The following PTPN12 variants were observed in gnomAD, a reference collection of about 807,000 sequenced individuals.
PTPN12 encodes the protein protein tyrosine phosphatase non-receptor type 12, also known as tyrosine-protein phosphatase non-receptor type 12.
PTPN12 carries 29 observed loss-of-function variants against 97.6 expected under a neutral mutation model. The ratio of observed to expected loss-of-function variants is 0.30; its 90% CI spans 0.22 to 0.41. The LOEUF is 0.41. Ranked by LOEUF, PTPN12 falls within the 10% of genes least tolerant of loss-of-function variation. The pLI, the probability that PTPN12 is intolerant of heterozygous loss-of-function variation, is 1.00. For missense variants in PTPN12, 819 were observed against 926.0 expected (o/e 0.88, Z 1.50); for synonymous variants, 327 against 300.4 (o/e 1.09, Z -0.91).
intron 12 of PTPN12, among the ~76,000 whole-genome samples, chr7:77,621,945 T>G (rs1788953847): frequency 6.6e-6 from 1 of 152,180 alleles, no homozygotes; most frequent in African/African-American, 2.4e-5. Context: ...TAATTTTTAA[T>G]ATTCCAATTC....
intron 1 of PTPN12, chr7:77,537,901 A>G (rs1806736844): frequency 1.3e-5 from 7 of 545,182 alleles, no homozygotes; most frequent in Non-Finnish European, 1.6e-5. Context: ...CGCGCGGCCG[A>G]GCCCGCAGCC....
intron 14 of PTPN12, among the ~76,000 whole-genome samples, chr7:77,633,471 T>C (rs1035579445): frequency 2.6e-5 from 4 of 151,902 alleles, no homozygotes; most frequent in Non-Finnish European, 4.4e-5. Flanking sequence ...TAGCTGTGTG[T>C]GGTGGCATGC....
intron 15 of PTPN12, chr7:77,636,756 G>C: frequency 3.4e-6 from 1 of 293,480 alleles, no homozygotes; most frequent in Admixed American, 4.8e-5. Context: ...TAGTAATAGT[G>C]GCTGGCAAAA....
intron 5 of PTPN12, among the ~76,000 whole-genome samples, chr7:77,589,504 G>C (rs1294754961): frequency 6.6e-6 from 1 of 151,964 alleles, no homozygotes; most frequent in African/African-American, 2.4e-5. Flanking sequence ...TAATACTAAT[G>C]TAGTTAATAT....
chr7:77,577,807 G>A (rs1787387368), intron 2 of PTPN12, among the ~76,000 whole-genome samples: 2 of 152,038 alleles, frequency 1.3e-5, no homozygotes, highest in Non-Finnish European at 2.9e-5. Context: ...GTATTTCTGT[G>A]CCCCATTTTT....
chr7:77,624,493 G>A (rs1410239861), intron 12 of PTPN12, among the ~76,000 whole-genome samples: 2 of 151,968 alleles, frequency 1.3e-5, no homozygotes, highest in Non-Finnish European at 2.9e-5. Flanking sequence ...AGGCTGGAGT[G>A]CAGTGGCGTG....
At chr7:77,638,354 C>G (rs1789680669) in intron 16 of PTPN12, among the ~76,000 whole-genome samples, 1 of 152,090 alleles carries the variant, frequency 6.6e-6, no homozygotes, top group Non-Finnish European at 1.5e-5. Context: ...TGTAATATGT[C>G]AAGACCTAGA....
At chr7:77,601,657 A>G (rs528306760) in intron 8 of PTPN12, among the ~76,000 whole-genome samples, 4 of 152,334 alleles carry the variant, frequency 2.6e-5, no homozygotes, top group East Asian at 3.9e-4. Flanking sequence ...GTAAGAAGCC[A>G]TTGGTGGTAA....
At chr7:77,539,482 G>C (rs1415084962) in intron 1 of PTPN12, among the ~76,000 whole-genome samples, 1 of 152,094 alleles carries the variant, frequency 6.6e-6, no homozygotes, top group African/African-American at 2.4e-5. Context: ...TATTGTCTTG[G>C]TATCTTTTGA....
intron 7 of PTPN12, 32 bp from the exon 8 acceptor site, chr7:77,600,632 T>C (rs761365463): frequency 6.5e-7 from 1 of 1,546,730 alleles, no homozygotes; most frequent in East Asian, 2.3e-5. Flanking sequence ...CAAAGTATTT[T>C]CATAATTGTT....
intron 1 of PTPN12, among the ~76,000 whole-genome samples, chr7:77,557,324 A>C (rs974658193): frequency 6.6e-6 from 1 of 152,096 alleles, no homozygotes; most frequent in Non-Finnish European, 1.5e-5. Context: ...CAGTTCATCA[A>C]TTACAGTTCA....
intron 8 of PTPN12, among the ~76,000 whole-genome samples, chr7:77,605,565 G>A (rs193080052): frequency 8.1e-5 from 12 of 147,512 alleles, no homozygotes; most frequent in Admixed American, 6.2e-4. Flanking sequence ...GATTACAGGC[G>A]CCCACTACCA....
At chr7:77,551,582 T>C (rs1028657691) in intron 1 of PTPN12, among the ~76,000 whole-genome samples, 1 of 152,254 alleles carries the variant, frequency 6.6e-6, no homozygotes, top group Non-Finnish European at 1.5e-5. Flanking sequence ...GTGGATGGTC[T>C]GCTGCTACAG....
chr7:77,552,067 A>G (rs958901356), intron 1 of PTPN12, among the ~76,000 whole-genome samples: 3 of 152,362 alleles, frequency 2.0e-5, no homozygotes, highest in Non-Finnish European at 2.9e-5. Context: ...GATGGTGCAC[A>G]AAAGTAAAAA....
At chr7:77,620,999 C>T (rs755848498) in intron 12 of PTPN12, among the ~76,000 whole-genome samples, 4 of 152,048 alleles carry the variant, frequency 2.6e-5, no homozygotes, top group Admixed American at 1.3e-4. Flanking sequence ...TAGTGGCTCA[C>T]GCCTGTAGTC....
intron 12 of PTPN12, among the ~76,000 whole-genome samples, chr7:77,620,481 T>C (rs1472568659): frequency 6.6e-6 from 1 of 152,230 alleles, no homozygotes; most frequent in Non-Finnish European, 1.5e-5. Flanking sequence ...AGAATGTCAT[T>C]ATTTTTGACA....
chr7:77,598,792 A>G (rs369146914), intron 7 of PTPN12, among the ~76,000 whole-genome samples: 2 of 151,466 alleles, frequency 1.3e-5, no homozygotes, highest in Admixed American at 6.6e-5. Flanking sequence ...ATTTTGCTTT[A>G]TATCTGCAAA....
At chr7:77,618,413 A>T in intron 11 of PTPN12, 67 bp from the exon 12 acceptor site, 1 of 1,032,266 alleles carries the variant, frequency 9.7e-7, no homozygotes, top group Non-Finnish European at 1.4e-6. Context: ...GAAACAATTT[A>T]GTTGAAACAT....
At chr7:77,625,472 G>GCTCGCT in intron 12 of PTPN12, among the ~76,000 whole-genome samples, 15 of 33,520 alleles carry the variant, frequency 4.5e-4, no homozygotes, top group Non-Finnish European at 5.5e-4. Flanking sequence ...CAGGCTGCTC[G>GCTCGCT]CTCTCTCTCT....
Sources: gnomAD v4.1 joint callset for allele counts (sites outside exome capture counted in the v4.1 genomes callset) on GRCh38, gnomAD v4.1.1 for gene constraint, MANE v1.5 for transcripts, NCBI Gene and HGNC (gene_info 2026-07-23, HGNC 2026-07-21) for gene names.